The following CROT variants were observed in gnomAD, a reference collection of about 807,000 sequenced individuals.
The protein encoded by CROT is peroxisomal carnitine O-octanoyltransferase.
CROT carries 84 observed loss-of-function variants against 89.2 expected under a neutral mutation model. The ratio of observed to expected loss-of-function variants is 0.94; its 90% CI spans 0.79 to 1.13. The LOEUF is 1.13. Ranked by LOEUF, CROT falls within the 50% of genes most tolerant of loss-of-function variation. The pLI is 0.00. For synonymous variants in CROT, 212 were observed against 239.5 expected (o/e 0.89, Z 1.06); for missense variants, 711 against 727.8 (o/e 0.98, Z 0.27).
chr7:87,373,070 C>T (rs548441264), intron 7 of CROT, among the ~76,000 whole-genome samples: 5 of 152,120 alleles, frequency 3.3e-5, no homozygotes, highest in South Asian at 2.1e-4. Context: ...TCCAAAATGG[C>T]GCAGTATATT....
intron 10 of CROT, among the ~76,000 whole-genome samples, chr7:87,380,444 G>A (rs1806957893): frequency 6.6e-6 from 1 of 152,274 alleles, no homozygotes; most frequent in African/African-American, 2.4e-5. Context: ...GCATCTGTAT[G>A]TATGTATGCA....
chr7:87,384,481 G>A (rs1807129625), intron 13 of CROT, among the ~76,000 whole-genome samples: 3 of 152,216 alleles, frequency 2.0e-5, no homozygotes, highest in African/African-American at 7.2e-5. Flanking sequence ...GCAGTGAGCT[G>A]AGATCGTGCC....
intron 17 of CROT, among the ~76,000 whole-genome samples, chr7:87,393,280 T>TGCAGAACACTGTTTCAAGTCGATC (rs1807427042): frequency 6.6e-6 from 1 of 151,938 alleles, no homozygotes; most frequent in Admixed American, 6.6e-5. Flanking sequence ...TAGGTGTCTT[T>TGCAGAACACTGTTTCAAGTCGATC]ATGCAGAACA....
intron 13 of CROT, among the ~76,000 whole-genome samples, chr7:87,387,198 G>T (rs1292268643): frequency 6.6e-6 from 1 of 151,864 alleles, no homozygotes; most frequent in South Asian, 2.1e-4. Flanking sequence ...TTTCTGTGGG[G>T]AAGAGTGAAG....
At chr7:87,374,212 G>A (rs1042751481) in intron 7 of CROT, among the ~76,000 whole-genome samples, 1 of 152,034 alleles carries the variant, frequency 6.6e-6, no homozygotes, top group Admixed American at 6.6e-5. Context: ...TGCATAGTTA[G>A]CCAAGTTAAA....
intron 17 of CROT, 142 bp downstream of exon 17, chr7:87,393,209 C>G: frequency 1.2e-6 from 1 of 864,656 alleles, no homozygotes. Context: ...TCCACTTAGG[C>G]ATTTAATGCA....
intron 17 of CROT, among the ~76,000 whole-genome samples, chr7:87,397,659 A>C (rs1807581348): frequency 6.6e-6 from 1 of 152,222 alleles, no homozygotes; most frequent in Admixed American, 6.5e-5. Context: ...ACAAGGCAGG[A>C]CTTCCTAAAG....
At chr7:87,394,300 G>C (rs1807456105) in intron 17 of CROT, among the ~76,000 whole-genome samples, 1 of 152,150 alleles carries the variant, frequency 6.6e-6, no homozygotes, top group East Asian at 1.9e-4. Flanking sequence ...CTCTTTAGCA[G>C]ATCACAAAAA....
intron 17 of CROT, among the ~76,000 whole-genome samples, chr7:87,393,818 C>A (rs1190405312): frequency 6.6e-6 from 1 of 152,118 alleles, no homozygotes; most frequent in Non-Finnish European, 1.5e-5. Flanking sequence ...ACAACTGACC[C>A]TTGAACAACA....
At chr7:87,377,224 A>G (rs1244636114) in intron 9 of CROT, 125 bp from the exon 10 acceptor site, 7 of 580,056 alleles carry the variant, frequency 1.2e-5, no homozygotes, top group Non-Finnish European at 1.8e-5. Flanking sequence ...TCATAACTAT[A>G]TTATGATTTT....
At chr7:87,374,403 A>C (rs898630025) in intron 7 of CROT, among the ~76,000 whole-genome samples, 2 of 152,070 alleles carry the variant, frequency 1.3e-5, no homozygotes, top group Admixed American at 6.5e-5. Flanking sequence ...CATTTCAGGG[A>C]GGAAGTAAAA....
At chr7:87,375,781 A>T in intron 8 of CROT, 47 bp from the exon 9 acceptor site, 1 of 1,612,136 alleles carries the variant, frequency 6.2e-7, no homozygotes, top group African/African-American at 1.3e-5. Flanking sequence ...CTTTTGATGT[A>T]TTGTATTTCA....
chr7:87,347,458 G>T (rs1584613704), intron 2 of CROT, among the ~76,000 whole-genome samples: 1 of 152,322 alleles, frequency 6.6e-6, no homozygotes, highest in Non-Finnish European at 1.5e-5. Flanking sequence ...GGGGCACATG[G>T]CTAGAAAGTG....
At chr7:87,372,007 C>CAAAAAAAAAAAAAAAAAAA (rs61300907) in intron 7 of CROT, among the ~76,000 whole-genome samples, 3 of 124,002 alleles carry the variant, frequency 2.4e-5, no homozygotes, top group Non-Finnish European at 5.0e-5. Flanking sequence ...AAAAAAAAAA[C>CAAAAAAAAAAAAAAAAAAA]AAAAAAAAAA....
chr7:87,370,307 C>T (rs538420869), intron 7 of CROT, among the ~76,000 whole-genome samples: 5 of 152,248 alleles, frequency 3.3e-5, no homozygotes, highest in African/African-American at 9.6e-5. Flanking sequence ...CTCAGCCTCC[C>T]AAGTAGCTAG....
At chr7:87,368,798 A>G (rs1435934388) in intron 6 of CROT, among the ~76,000 whole-genome samples, 1 of 152,242 alleles carries the variant, frequency 6.6e-6, no homozygotes, top group Non-Finnish European at 1.5e-5. Flanking sequence ...TACAGCAAAC[A>G]AACAGTTCTT....
At chr7:87,394,972 A>G (rs1425026627) in intron 17 of CROT, among the ~76,000 whole-genome samples, 1 of 151,524 alleles carries the variant, frequency 6.6e-6, no homozygotes, top group African/African-American at 2.4e-5. Context: ...AATGCAGACA[A>G]ATGTGCCCTA....
intron 4 of CROT, chr7:87,360,152 T>C: frequency 4.6e-6 from 4 of 868,786 alleles, no homozygotes; most frequent in Non-Finnish European, 5.5e-6. Context: ...TGTTTATGTC[T>C]CTTTCTGAAT....
intron 13 of CROT, among the ~76,000 whole-genome samples, chr7:87,384,907 G>A (rs931520532): frequency 6.6e-6 from 1 of 152,136 alleles, no homozygotes; most frequent in Non-Finnish European, 1.5e-5. Context: ...AGAGATAGTG[G>A]TCCAGTTTCA....
Sources: allele counts gnomAD v4.1 joint callset (sites outside exome capture counted in the v4.1 genomes callset), GRCh38; gene constraint gnomAD v4.1.1; transcripts MANE v1.5; gene names NCBI Gene and HGNC (gene_info 2026-07-23, HGNC 2026-07-21).